The following APP variants were observed in gnomAD, a reference collection of about 807,000 sequenced individuals.
APP encodes the protein amyloid beta precursor protein.
Under a neutral mutation model 101.4 loss-of-function variants are expected in APP, and 31 were observed. The observed-to-expected ratio is 0.31, with a 90% confidence interval of 0.23 to 0.41. APP has a LOEUF of 0.41. APP is among the 10% of genes least tolerant of loss of function. The probability of loss-of-function intolerance (pLI) is 1.00; values close to 1 mark genes in which losing one functional copy is unlikely to be tolerated. For synonymous variants in APP, 366 were observed against 364.4 expected, an observed-to-expected ratio of 1.00 and a Z score of -0.05; for missense variants, 839 against 1,003.7, an observed-to-expected ratio of 0.84 and a Z score of 2.22.
intron 2 of APP, among the ~76,000 whole-genome samples, chr21:26,101,095 C>CTTTTTTTT (rs35407047): frequency 2.5e-5 from 2 of 79,348 alleles, no homozygotes; most frequent in Admixed American, 1.8e-4. Flanking sequence ...TTTTTTTTTC[C>CTTTTTTTT]TTTTTTTTTT....
intron 8 of APP, among the ~76,000 whole-genome samples, chr21:25,989,883 G>A (rs559154666): frequency 4.0e-5 from 6 of 151,314 alleles, no homozygotes; most frequent in African/African-American, 9.7e-5. Context: ...AGAGCTTTCC[G>A]AGTGCCATGC....
intron 15 of APP, among the ~76,000 whole-genome samples, chr21:25,900,783 C>T (rs1312555551): frequency 2.0e-5 from 3 of 149,620 alleles, no homozygotes; most frequent in African/African-American, 7.4e-5. Context: ...GGGAGGATCA[C>T]GAGGTCAAGA....
intron 17 of APP, among the ~76,000 whole-genome samples, chr21:25,882,996 GA>G (rs530190575): frequency 1.1e-3 from 162 of 152,222 alleles, no homozygotes; most frequent in Non-Finnish European, 1.9e-3. Context: ...TGAAGCCAAG[GA>G]AGAAAAAGTA....
chr21:26,007,559 C>A (rs2043592479), intron 6 of APP, among the ~76,000 whole-genome samples: 1 of 150,512 alleles, frequency 6.6e-6, no homozygotes, highest in African/African-American at 2.4e-5. Context: ...CAATGTAGTT[C>A]ATAACAACTT....
intron 3 of APP, among the ~76,000 whole-genome samples, chr21:26,059,890 C>CAAAAAAAAAAAAAAAAAAAAAAA (rs57594630): frequency 2.8e-5 from 2 of 70,658 alleles, no homozygotes; most frequent in South Asian, 6.8e-4. Context: ...GACTCCGTCT[C>CAAAAAAAAAAAAAAAAAAAAAAA]AAAAAAAAAA....
At chr21:26,168,317 C>G (rs931105053) in intron 1 of APP, among the ~76,000 whole-genome samples, 1 of 152,130 alleles carries the variant, frequency 6.6e-6, no homozygotes, top group South Asian at 2.1e-4. Flanking sequence ...ACAGTCAACT[C>G]GTAATTACAT....
intron 9 of APP, among the ~76,000 whole-genome samples, 181 bp downstream of exon 9, chr21:25,982,163 A>T (rs2042457091): frequency 6.6e-6 from 1 of 152,218 alleles, no homozygotes; most frequent in Admixed American, 6.5e-5. Context: ...CTTCCTAGGC[A>T]GCATGTTCAC....
At chr21:26,030,169 T>G (rs2044757434) in intron 5 of APP, among the ~76,000 whole-genome samples, 1 of 151,876 alleles carries the variant, frequency 6.6e-6, no homozygotes, top group Non-Finnish European at 1.5e-5. Context: ...ATCCAAGGAG[T>G]GGACAGTTTA....
At chr21:25,981,854 T>TA (rs2042445152) in intron 9 of APP, among the ~76,000 whole-genome samples, 2 of 152,090 alleles carry the variant, frequency 1.3e-5, no homozygotes, top group African/African-American at 4.8e-5. Flanking sequence ...CTCGAACCTC[T>TA]ATTCCACTAT....
At chr21:25,902,627 C>T (rs1366349641) in intron 15 of APP, among the ~76,000 whole-genome samples, 1 of 146,218 alleles carries the variant, frequency 6.8e-6, no homozygotes, top group East Asian at 3.1e-4. Flanking sequence ...CTTTGCCAAT[C>T]CAGGTGCCTC....
intron 6 of APP, 21 bp from the exon 7 acceptor site, chr21:26,000,203 G>A (rs757236847): frequency 1.9e-6 from 3 of 1,613,830 alleles, no homozygotes; most frequent in South Asian, 1.1e-5. Context: ...GAGATGTGGG[G>A]AACCACATTT....
chr21:25,967,218 A>C (rs1452910310), intron 11 of APP, among the ~76,000 whole-genome samples: 1 of 152,064 alleles, frequency 6.6e-6, no homozygotes, highest in Non-Finnish European at 1.5e-5. Flanking sequence ...TTTTTTGCTC[A>C]ATTAAACTGA....
chr21:26,139,020 A>G (rs2062983921), intron 1 of APP, among the ~76,000 whole-genome samples: 1 of 152,170 alleles, frequency 6.6e-6, no homozygotes, highest in South Asian at 2.1e-4. Flanking sequence ...TTTCGTATAT[A>G]TCAAGTTACT....
chr21:26,067,149 AAAAAG>A (rs2046486533), intron 3 of APP, among the ~76,000 whole-genome samples: 1 of 152,258 alleles, frequency 6.6e-6, no homozygotes, highest in Admixed American at 6.5e-5. Context: ...ATAAAAAGGT[AAAAAG>A]AAACAGGTAA....
intron 13 of APP, among the ~76,000 whole-genome samples, chr21:25,948,247 T>G (rs2040916668): frequency 6.6e-6 from 1 of 152,046 alleles, no homozygotes; most frequent in South Asian, 2.1e-4. Context: ...TCTATTTTGT[T>G]GGGCTGGGAA....
In APP at chr21:25,897,641, TCTC is replaced by T. The variant is rs759980555; in HGVS notation, c.1993_1995del (p.Glu665del). 28 of 1,613,972 alleles carry T rather than the reference TCTC, an allele frequency of 1.7e-5. No individual in the cohort carries two copies. The highest frequency in any genetic ancestry group is 5.5e-5 in the South Asian group (5 of 91,076). Reference sequence around the variant, plus strand: ...TCTGCATCCATCTTCACTTCAGAGATCTCCTCCGTCTTGATATTTGTCAACCCA... The same window carrying T: ...TCTGCATCCATCTTCACTTCAGAGATCTCCGTCTTGATATTTGTCAACCCA... On this transcript the variant is annotated inframe_deletion, in exon 16 of 18. Transcript: ENST00000346798.
At chr21:25,909,250 G>A (rs766463816) in intron 14 of APP, among the ~76,000 whole-genome samples, 2 of 135,336 alleles carry the variant, frequency 1.5e-5, no homozygotes, top group African/African-American at 5.7e-5. Context: ...CTGGGCGACA[G>A]AGCGAGACTC....
chr21:25,896,721 T>G (rs749590826), intron 16 of APP, among the ~76,000 whole-genome samples: 14 of 152,178 alleles, frequency 9.2e-5, no homozygotes, highest in Non-Finnish European at 1.8e-4. Flanking sequence ...GGAAAAGTGA[T>G]TTCATCTGAA....
intron 1 of APP, among the ~76,000 whole-genome samples, chr21:26,120,661 T>C (rs755840158): frequency 1.1e-4 from 17 of 152,196 alleles, no homozygotes; most frequent in Non-Finnish European, 2.2e-4. Flanking sequence ...TCTTTTCTCC[T>C]ACATTTTTTA....
Sources: gnomAD v4.1 joint callset for allele counts (sites outside exome capture counted in the v4.1 genomes callset) on GRCh38, gnomAD v4.1.1 for gene constraint, MANE v1.5 for transcripts, NCBI Gene and HGNC (gene_info 2026-07-23, HGNC 2026-07-21) for gene names.